The following PTK2 variants were observed in gnomAD, a reference collection of about 807,000 sequenced individuals.
PTK2 encodes protein tyrosine kinase 2.
Under a neutral mutation model 150.1 loss-of-function variants are expected in PTK2, and 45 were observed. The ratio of observed to expected loss-of-function variants is 0.30; its 90% CI spans 0.24 to 0.38. PTK2 has a LOEUF of 0.38. Among genes scored for constraint, PTK2 ranks in the 10% least tolerant of loss-of-function variants. The probability of loss-of-function intolerance (pLI) is 1.00; values close to 1 mark genes in which losing one functional copy is unlikely to be tolerated. For synonymous variants in PTK2, 432 were observed against 449.2 expected, an observed-to-expected ratio of 0.96 and a Z score of 0.48; for missense variants, 919 against 1,307.3, an observed-to-expected ratio of 0.70 and a Z score of 4.58.
intron 1 of PTK2, among the ~76,000 whole-genome samples, chr8:140,985,977 C>CA (rs528625221): frequency 5.9e-4 from 90 of 152,230 alleles, no homozygotes; most frequent in African/African-American, 2.1e-3. Context: ...ATATAGATTC[C>CA]AAAAAATTCA....
At chr8:140,702,614 T>A in exon 25 of PTK2, 1 of 1,614,106 alleles carries the variant, frequency 6.2e-7, no homozygotes, top group South Asian at 1.1e-5. Flanking sequence ...GGTCTATGAT[T>A]CCATGAATCT....
intron 1 of PTK2, among the ~76,000 whole-genome samples, chr8:140,944,723 A>G (rs1445520994): frequency 6.6e-6 from 1 of 152,216 alleles, no homozygotes; most frequent in Non-Finnish European, 1.5e-5. Flanking sequence ...CCGGCAAGTA[A>G]TATTTGTGTA....
Position 140,961,417 on chromosome 8 carries a change from T to C in PTK2, c.-121-35668A>G, listed in dbSNP as rs571430129. Among the ~76,000 whole-genome samples the C allele has an allele frequency of 2.0e-5, 3 of 152,190 alleles. No individual in the cohort carries two copies. In the South Asian group the frequency reaches 6.2e-4, roughly 32 times the overall value. On this transcript the variant is annotated intron_variant, in intron 1 of 31. Coordinates refer to ENST00000522684, the Ensembl canonical transcript of PTK2. Reference sequence around the variant, plus strand: ...TGGCTCACACCTGTAATCCCAGCACTTTTGGAGGCCAAGGAGAGTGGATCA... The same window carrying C: ...TGGCTCACACCTGTAATCCCAGCACCTTTGGAGGCCAAGGAGAGTGGATCA...
intron 22 of PTK2, among the ~76,000 whole-genome samples, chr8:140,722,218 C>T (rs2100043293): frequency 6.6e-6 from 1 of 152,222 alleles, no homozygotes; most frequent in African/African-American, 2.4e-5. Flanking sequence ...AGTGATCCCC[C>T]TGCCCTGGCC....
chr8:140,992,239 C>G (rs1162345008), intron 1 of PTK2, among the ~76,000 whole-genome samples: 1 of 150,962 alleles, frequency 6.6e-6, no homozygotes. Context: ...TTGCAGTGAG[C>G]CAAGACTGCG....
chr8:140,832,712 T>A (rs934966281), intron 7 of PTK2, among the ~76,000 whole-genome samples: 3 of 151,908 alleles, frequency 2.0e-5, no homozygotes, highest in Non-Finnish European at 2.9e-5. Context: ...GATGAGTGAC[T>A]GGACATGAGG....
At chr8:140,659,743 G>A in intron 31 of PTK2, 65 bp from the exon 36 acceptor site, 1 of 1,434,488 alleles carries the variant, frequency 7.0e-7, no homozygotes, top group African/African-American at 1.4e-5. Context: ...TTTTTAGAGA[G>A]ATGTTCTTAC....
chr8:140,808,969 G>A (rs957880973), intron 10 of PTK2, among the ~76,000 whole-genome samples: 1 of 152,034 alleles, frequency 6.6e-6, no homozygotes, highest in African/African-American at 2.4e-5. Context: ...CTGACCTCAG[G>A]TGATCCACCT....
At chr8:140,784,081 C>T (rs2100083432) in intron 14 of PTK2, among the ~76,000 whole-genome samples, 1 of 152,080 alleles carries the variant, frequency 6.6e-6, no homozygotes, top group African/African-American at 2.4e-5. Flanking sequence ...AGGCAGGAGG[C>T]TTGAACCTGG....
intron 2 of PTK2, among the ~76,000 whole-genome samples, chr8:140,903,333 G>T (rs752413124): frequency 1.3e-5 from 2 of 152,056 alleles, no homozygotes; most frequent in Non-Finnish European, 2.9e-5. Context: ...CTGTTCCACT[G>T]GTCTATCTGT....
chr8:140,896,714 T>C (rs1443498040), intron 2 of PTK2, among the ~76,000 whole-genome samples: 3 of 146,630 alleles, frequency 2.0e-5, no homozygotes, highest in Admixed American at 6.8e-5. Flanking sequence ...TGCCCACCAT[T>C]ACCACTTGCG....
At chr8:140,737,070 G>C (rs1415198336) in intron 21 of PTK2, among the ~76,000 whole-genome samples, 1 of 152,162 alleles carries the variant, frequency 6.6e-6, no homozygotes, top group Non-Finnish European at 1.5e-5. Flanking sequence ...ATTATCAGTA[G>C]TAGCAACACT....
intron 18 of PTK2, among the ~76,000 whole-genome samples, chr8:140,745,728 G>A (rs1407692430): frequency 2.0e-5 from 3 of 152,128 alleles, no homozygotes; most frequent in East Asian, 1.9e-4. Context: ...GGCCATGCAC[G>A]ATGGCTCACA....
At position 140,819,759 on chromosome 8, in the gene PTK2, G is replaced by C. The variant is rs527349847; in HGVS notation, c.649-739C>G. Among the ~76,000 whole-genome samples the C allele has an allele frequency of 6.6e-5, 10 of 152,332 alleles. No homozygotes were observed. In the South Asian group the frequency reaches 1.0e-3, roughly 16 times the overall value. On this transcript the variant is annotated intron_variant, in intron 8 of 31. Transcript: ENST00000522684. Reference sequence around the variant, plus strand: ...AGCACACAGCAATGTACCCATGAAGGAGATAAAGCAACGATGCTTTTGCTT... The same window carrying C: ...AGCACACAGCAATGTACCCATGAAGCAGATAAAGCAACGATGCTTTTGCTT...
chr8:140,666,805 A>G (rs1321741299), intron 30 of PTK2, among the ~76,000 whole-genome samples: 3 of 152,222 alleles, frequency 2.0e-5, no homozygotes, highest in South Asian at 2.1e-4. Flanking sequence ...TCTCAAAAAG[A>G]TATTTGTATA....
chr8:140,764,693 C>T (rs920900327), intron 14 of PTK2, among the ~76,000 whole-genome samples: 1 of 152,140 alleles, frequency 6.6e-6, no homozygotes, highest in Non-Finnish European at 1.5e-5. Context: ...CTATAAAACA[C>T]GGTATCTGAT....
At chr8:140,789,664 C>T (rs563848511) in intron 13 of PTK2, 138 bp from the exon 14 acceptor site, 9 of 714,956 alleles carry the variant, frequency 1.3e-5, no homozygotes, top group Non-Finnish European at 2.1e-5. Context: ...TTGGATTCTA[C>T]TATTAAAATA....
chr8:140,798,257 T>C (rs182861615), intron 12 of PTK2, among the ~76,000 whole-genome samples: 4 of 152,328 alleles, frequency 2.6e-5, no homozygotes, highest in Admixed American at 1.3e-4. Context: ...TGTTCACATG[T>C]ATTTTTGACT....
At chr8:140,747,456 G>C (rs1565558382) in intron 17 of PTK2, among the ~76,000 whole-genome samples, 1 of 42,844 alleles carries the variant, frequency 2.3e-5, no homozygotes, top group African/African-American at 1.1e-4. Flanking sequence ...GGGGGGAAGA[G>C]GAGGAGGAGG....
Sources: gnomAD v4.1 joint callset for allele counts (sites outside exome capture counted in the v4.1 genomes callset) on GRCh38, gnomAD v4.1.1 for gene constraint, MANE v1.5 for transcripts, NCBI Gene and HGNC (gene_info 2026-07-23, HGNC 2026-07-21) for gene names.